The following CSMD1 variants were observed in gnomAD, a reference collection of about 807,000 sequenced individuals.
CSMD1 encodes the protein CUB and sushi domain-containing protein 1.
A neutral mutation model predicts 417.5 loss-of-function variants in CSMD1; 213 were observed. The observed-to-expected ratio is 0.51, with a 90% confidence interval of 0.46 to 0.57. The LOEUF (loss-of-function observed/expected upper bound fraction) is 0.57, where lower values mean the gene tolerates loss of function less well. CSMD1 is among the 20% of genes least tolerant of loss of function. The pLI is 0.00. For synonymous variants in CSMD1, 2,862 were observed against 1,736.8 expected, an observed-to-expected ratio of 1.65 and a Z score of -16.11; for missense variants, 6,923 against 4,529.7, an observed-to-expected ratio of 1.53 and a Z score of -15.17.
intron 2 of CSMD1, among the ~76,000 whole-genome samples, chr8:4,611,955 G>C (rs1435451002): frequency 2.0e-5 from 3 of 152,122 alleles, no homozygotes; most frequent in Non-Finnish European, 4.4e-5. Context: ...ATTTCATTTA[G>C]CTTAATTTGT....
At chr8:3,018,097 C>A (rs901595190) in intron 52 of CSMD1, among the ~76,000 whole-genome samples, 2 of 152,138 alleles carry the variant, frequency 1.3e-5, no homozygotes, top group Non-Finnish European at 2.9e-5. Flanking sequence ...ATTCACTGTA[C>A]TTATGTCAAT....
intron 39 of CSMD1, among the ~76,000 whole-genome samples, chr8:3,156,319 G>T (rs1247484544): frequency 6.6e-6 from 1 of 152,194 alleles, no homozygotes; most frequent in African/African-American, 2.4e-5. Context: ...CCCCAGAAGT[G>T]TGACTGTTAT....
chr8:4,092,045 G>T (rs563566426), intron 3 of CSMD1, among the ~76,000 whole-genome samples: 1 of 152,090 alleles, frequency 6.6e-6, no homozygotes, highest in Non-Finnish European at 1.5e-5. Flanking sequence ...AGGGAAGGGG[G>T]CAATTTTATT....
At chr8:3,892,467 C>G (rs962635806) in intron 5 of CSMD1, among the ~76,000 whole-genome samples, 1 of 151,964 alleles carries the variant, frequency 6.6e-6, no homozygotes, top group African/African-American at 2.4e-5. Context: ...CATTCAGGCC[C>G]CAACTAAGTT....
chr8:4,081,865 G>A (rs1335775822), intron 3 of CSMD1, among the ~76,000 whole-genome samples: 1 of 152,100 alleles, frequency 6.6e-6, no homozygotes, highest in Non-Finnish European at 1.5e-5. Flanking sequence ...AGAAAAATAA[G>A]ACATATCAAA....
chr8:4,738,315 T>C (rs947317666), intron 1 of CSMD1, among the ~76,000 whole-genome samples: 9 of 152,198 alleles, frequency 5.9e-5, no homozygotes, highest in African/African-American at 1.4e-4. Context: ...AACATCTTAA[T>C]TGACTAACAT....
intron 10 of CSMD1, among the ~76,000 whole-genome samples, chr8:3,516,410 C>G (rs966486189): frequency 6.6e-5 from 10 of 152,258 alleles, no homozygotes; most frequent in African/African-American, 2.2e-4. Flanking sequence ...CCCTGGAATG[C>G]AGACTAGTTT....
intron 22 of CSMD1, among the ~76,000 whole-genome samples, chr8:3,344,731 TTTCA>T (rs1467257558): frequency 6.6e-6 from 1 of 152,222 alleles, no homozygotes; most frequent in African/African-American, 2.4e-5. Flanking sequence ...TTAATTTTTC[TTTCA>T]TTGTCTTTCA....
intron 3 of CSMD1, among the ~76,000 whole-genome samples, chr8:4,071,778 C>T (rs1225534555): frequency 6.6e-6 from 1 of 151,894 alleles, no homozygotes; most frequent in Non-Finnish European, 1.5e-5. Context: ...TTTTTTATTC[C>T]TTGGCAGGAA....
At chr8:3,306,775 G>A (rs776484121) in intron 25 of CSMD1, among the ~76,000 whole-genome samples, 1 of 151,928 alleles carries the variant, frequency 6.6e-6, no homozygotes. Context: ...ATTACCTTTT[G>A]CCTTATGTGC....
chr8:3,088,072 G>C (rs1469307259), intron 48 of CSMD1, among the ~76,000 whole-genome samples: 2 of 152,158 alleles, frequency 1.3e-5, no homozygotes, highest in East Asian at 1.9e-4. Flanking sequence ...TGAAGAAAAT[G>C]CATTCTCTTG....
chr8:4,318,096 T>G (rs916367649), intron 3 of CSMD1, among the ~76,000 whole-genome samples: 1 of 152,194 alleles, frequency 6.6e-6, no homozygotes, highest in African/African-American at 2.4e-5. Flanking sequence ...AGCCTGTCTG[T>G]AAAGCTGTAC....
At chr8:4,412,321 A>G (rs1796694752) in intron 3 of CSMD1, among the ~76,000 whole-genome samples, 1 of 151,940 alleles carries the variant, frequency 6.6e-6, no homozygotes, top group South Asian at 2.1e-4. Context: ...CACAGCGCAA[A>G]AGATTCACCA....
intron 1 of CSMD1, among the ~76,000 whole-genome samples, chr8:4,651,193 A>T (rs1803871737): frequency 6.6e-6 from 1 of 152,232 alleles, no homozygotes; most frequent in African/African-American, 2.4e-5. Flanking sequence ...ATTCCCTAAT[A>T]TCAGATGTGT....
At chr8:4,914,038 C>T (rs1253428925) in intron 1 of CSMD1, among the ~76,000 whole-genome samples, 9 of 152,068 alleles carry the variant, frequency 5.9e-5, no homozygotes, top group Admixed American at 5.9e-4. Flanking sequence ...AAAGACATTT[C>T]CTGAAGAAAC....
chr8:3,141,957 C>T (rs966959286), intron 41 of CSMD1, among the ~76,000 whole-genome samples: 1 of 152,040 alleles, frequency 6.6e-6, no homozygotes, highest in South Asian at 2.1e-4. Flanking sequence ...GCCACTATGC[C>T]CAGCTAATTT....
intron 1 of CSMD1, among the ~76,000 whole-genome samples, chr8:4,874,583 G>A (rs1216814556): frequency 1.3e-5 from 2 of 151,556 alleles, no homozygotes; most frequent in Admixed American, 6.6e-5. Context: ...TAAAGATGGG[G>A]TTTCACTATG....
chr8:3,607,514 C>T (rs1429742847), intron 8 of CSMD1, among the ~76,000 whole-genome samples: 1 of 152,186 alleles, frequency 6.6e-6, no homozygotes, highest in Non-Finnish European at 1.5e-5. Flanking sequence ...CAGCACAGTA[C>T]ATCTGTCTTA....
intron 5 of CSMD1, among the ~76,000 whole-genome samples, chr8:3,936,915 G>C (rs1354646160): frequency 1.3e-5 from 2 of 152,158 alleles, no homozygotes; most frequent in Non-Finnish European, 2.9e-5. Context: ...ATGATATTAA[G>C]AATGTTTGTG....
Sources: allele counts gnomAD v4.1 joint callset (sites outside exome capture counted in the v4.1 genomes callset), GRCh38; gene constraint gnomAD v4.1.1; transcripts MANE v1.5; gene names NCBI Gene and HGNC (gene_info 2026-07-23, HGNC 2026-07-21).